The following UBE2E1 variants were observed in gnomAD, a reference collection of about 807,000 sequenced individuals.
UBE2E1 encodes ubiquitin-conjugating enzyme E2 E1.
UBE2E1 carries 6 observed loss-of-function variants against 21.4 expected under a neutral mutation model. That is an observed-to-expected ratio of 0.28 (90% CI 0.15 to 0.55). The LOEUF (loss-of-function observed/expected upper bound fraction) is 0.55, where lower values mean the gene tolerates loss of function less well. Ranked by LOEUF, UBE2E1 falls within the 20% of genes least tolerant of loss-of-function variation. UBE2E1 has a pLI of 0.93. For synonymous variants in UBE2E1, 87 were observed against 82.7 expected, an observed-to-expected ratio of 1.05 and a Z score of -0.28; for missense variants, 142 against 236.5, an observed-to-expected ratio of 0.60 and a Z score of 2.62.
At chr3:23,855,715 A>G (rs964874037) in intron 3 of UBE2E1, among the ~76,000 whole-genome samples, 9 of 152,080 alleles carry the variant, frequency 5.9e-5, no homozygotes, top group Admixed American at 6.5e-5. Flanking sequence ...CTGTAGTCCC[A>G]GCTACTCAGG....
intron 3 of UBE2E1, among the ~76,000 whole-genome samples, chr3:23,843,769 CT>C (rs1305484718): frequency 3.3e-5 from 5 of 152,320 alleles, no homozygotes; most frequent in African/African-American, 1.2e-4. Context: ...TGTATTCTAG[CT>C]ATTCTTGACT....
intron 3 of UBE2E1, among the ~76,000 whole-genome samples, chr3:23,874,236 T>C (rs903107285): frequency 1.3e-5 from 2 of 152,250 alleles, no homozygotes; most frequent in Non-Finnish European, 2.9e-5. Flanking sequence ...GATAAGCTCC[T>C]TTAAGAGAAT....
chr3:23,871,871 C>A (rs1179885761), intron 3 of UBE2E1, among the ~76,000 whole-genome samples: 1 of 151,306 alleles, frequency 6.6e-6, no homozygotes, highest in South Asian at 2.1e-4. Flanking sequence ...GGGGCAGAGA[C>A]GCTCCTCACT....
intron 3 of UBE2E1, among the ~76,000 whole-genome samples, chr3:23,881,778 T>C (rs1272522768): frequency 6.6e-6 from 1 of 152,202 alleles, no homozygotes; most frequent in Non-Finnish European, 1.5e-5. Flanking sequence ...GTGTTAACAG[T>C]TCTTAAAGAT....
At chr3:23,846,310 C>T (rs1335700383) in intron 3 of UBE2E1, among the ~76,000 whole-genome samples, 1 of 152,052 alleles carries the variant, frequency 6.6e-6, no homozygotes, top group African/African-American at 2.4e-5. Context: ...TTCCTGTAGT[C>T]CTAGCTACTT....
chr3:23,845,796 T>G (rs1290958053), intron 3 of UBE2E1, among the ~76,000 whole-genome samples: 1 of 152,136 alleles, frequency 6.6e-6, no homozygotes, highest in Non-Finnish European at 1.5e-5. Flanking sequence ...ATACAATTCA[T>G]AAATGAAAAA....
rs375593204 is a variant in UBE2E1 at position 23,834,353 on chromosome 3, T to C, written c.203+22843T>C. 4.6e-5 allele frequency among the ~76,000 whole-genome samples: 7 copies of C among 152,318 alleles called. No individual in the cohort carries two copies. In the East Asian group the frequency reaches 1.3e-3, roughly 29 times the overall value. ...ATCAAATTCTCCTTCAGAGGACAAA[T>C]GTTTGTCACCATTTAGGGTGATTTT... On this transcript the variant is annotated intron_variant, in intron 3 of 5. Coordinates refer to ENST00000306627, the MANE Select transcript of UBE2E1 (RefSeq NM_003341.5).
chr3:23,868,519 G>C (rs1251456607), intron 3 of UBE2E1, among the ~76,000 whole-genome samples: 2 of 152,078 alleles, frequency 1.3e-5, no homozygotes, highest in Non-Finnish European at 2.9e-5. Flanking sequence ...ATATTGGCCA[G>C]GCTGGTCTCG....
intron 3 of UBE2E1, among the ~76,000 whole-genome samples, chr3:23,847,535 C>G (rs1373908756): frequency 3.0e-5 from 4 of 134,022 alleles, no homozygotes; most frequent in Non-Finnish European, 6.2e-5. Context: ...CGCTCTGTCA[C>G]CCAGGCTGGA....
chr3:23,821,989 A>G (rs1487406930), intron 3 of UBE2E1, among the ~76,000 whole-genome samples: 1 of 152,230 alleles, frequency 6.6e-6, no homozygotes, highest in Non-Finnish European at 1.5e-5. Context: ...CCTAGAAAGG[A>G]AAGGCATCAT....
At chr3:23,846,666 A>T (rs1273337831) in intron 3 of UBE2E1, among the ~76,000 whole-genome samples, 1 of 136,958 alleles carries the variant, frequency 7.3e-6, no homozygotes, top group Non-Finnish European at 1.5e-5. Context: ...ACTGCACTGC[A>T]GCCTGGGCGA....
At position 23,842,331 on chromosome 3, in the gene UBE2E1, C is replaced by T. The variant is rs1700113752; in HGVS notation, c.203+30821C>T. ...GTGCAGTCACGACTCACTGCAGCCT[C>T]AACCTCATGGGCTCAGGCAGTCCTC... is the stretch of plus-strand genomic sequence containing the variant. On this transcript the variant is annotated intron_variant, in intron 3 of 5. Transcript: ENST00000306627. This position sits in a 1 kb window ranked among gnomAD's most constrained non-coding sequence, Gnocchi z 4.6. 6.6e-6 allele frequency among the ~76,000 whole-genome samples: 1 copy of T among 151,698 alleles called. No homozygotes were observed. Among genetic ancestry groups the T allele is most frequent in the African/African-American group, 2.4e-5 (1 of 41,270 alleles).
At chr3:23,878,783 CG>C (rs1212902004) in intron 3 of UBE2E1, among the ~76,000 whole-genome samples, 4 of 152,192 alleles carry the variant, frequency 2.6e-5, no homozygotes, top group Non-Finnish European at 5.9e-5. Context: ...AAAACAAGCT[CG>C]GGGGCTCCCC....
In UBE2E1 at chr3:23,891,565, T is replaced by C. The variant is rs966467922; in HGVS notation, c.*959T>C. The C allele has an allele frequency of 6.6e-6, 1 of 152,216 alleles. No homozygotes were observed. The highest frequency in any genetic ancestry group is 2.1e-4 in the South Asian group (1 of 4,832). The allele number at this position is 152,216 out of a possible 1,614,324, so 9.4% of individuals were successfully genotyped here. ...CATCTTTTTAAAAGCATTTTCTGACTTGCAGATGCTGTAGTAGCAAGTACA... is the reference window on the plus strand; with the variant it reads ...CATCTTTTTAAAAGCATTTTCTGACCTGCAGATGCTGTAGTAGCAAGTACA... On this transcript the variant is annotated 3_prime_UTR_variant, in exon 6 of 6. Transcript: ENST00000306627.
chr3:23,885,624 G>A (rs912279562), intron 3 of UBE2E1, among the ~76,000 whole-genome samples: 2 of 152,308 alleles, frequency 1.3e-5, no homozygotes, highest in Non-Finnish European at 2.9e-5. Flanking sequence ...ACTCTGGGAG[G>A]CCGAGGCGGG....
chr3:23,881,155 C>T (rs1442711803), intron 3 of UBE2E1, among the ~76,000 whole-genome samples: 2 of 152,256 alleles, frequency 1.3e-5, no homozygotes, highest in East Asian at 1.9e-4. Context: ...ACAGAAGTGT[C>T]GTGGCTCATG....
Position 23,816,205 on chromosome 3 carries a change from T to C in UBE2E1, c.203+4695T>C, listed in dbSNP as rs1699513204. 6.6e-6 allele frequency among the ~76,000 whole-genome samples: 1 copy of C among 152,196 alleles called. No individual in the cohort carries two copies. The highest frequency in any genetic ancestry group is 2.4e-5 in the African/African-American group (1 of 41,452). ...TAATTTTACTGCTATCTATGTACCC[T>C]GAATAATTAAAAACAGAGGCTCAAA... On this transcript the variant is annotated intron_variant, in intron 3 of 5. Coordinates refer to ENST00000306627, the MANE Select transcript of UBE2E1 (RefSeq NM_003341.5). The surrounding 1 kb of genome is among the most constrained non-coding windows in gnomAD (Gnocchi z 4.8).
chr3:23,814,677 G>A (rs894230508), intron 3 of UBE2E1, among the ~76,000 whole-genome samples: 4 of 152,140 alleles, frequency 2.6e-5, no homozygotes, highest in Non-Finnish European at 4.4e-5. Context: ...GATAGCTGAT[G>A]AACTCTGGGC....
chr3:23,868,379 A>C (rs7648931), intron 3 of UBE2E1, among the ~76,000 whole-genome samples: 4 of 151,926 alleles, frequency 2.6e-5, no homozygotes, highest in African/African-American at 9.7e-5. Flanking sequence ...ACACGATCTC[A>C]CTCACTGCAA....
Sources: allele counts gnomAD v4.1 joint callset (sites outside exome capture counted in the v4.1 genomes callset), GRCh38; gene constraint gnomAD v4.1.1; non-coding constraint Gnocchi (gnomAD v3.1); transcripts MANE v1.5; gene names NCBI Gene and HGNC (gene_info 2026-07-23, HGNC 2026-07-21).